DDX18: variants seen among roughly 807,000 people sequenced by gnomAD.
DDX18 encodes the protein ATP-dependent RNA helicase DDX18.
A neutral mutation model predicts 73.5 loss-of-function variants in DDX18; 23 were observed. The observed-to-expected ratio is 0.31, with a 90% CI of 0.23 to 0.44. The LOEUF (loss-of-function observed/expected upper bound fraction) is 0.44, where lower values mean the gene tolerates loss of function less well. Ranked by LOEUF, DDX18 falls within the 20% of genes least tolerant of loss-of-function variation. The pLI, the probability that DDX18 is intolerant of heterozygous loss-of-function variation, is 1.00. For missense variants in DDX18, 753 were observed against 792.9 expected (o/e 0.95, Z 0.60); for synonymous variants, 268 against 282.7 (o/e 0.95, Z 0.52).
intron 7 of DDX18, among the ~76,000 whole-genome samples, chr2:117,823,544 G>T (rs192907651): frequency 6.6e-6 from 1 of 152,236 alleles, no homozygotes; most frequent in East Asian, 1.9e-4. Flanking sequence ...TGTACCGAAT[G>T]ATTATTCAGT....
intron 10 of DDX18, chr2:117,826,062 T>C (rs950940640): frequency 6.8e-6 from 1 of 146,460 alleles, no homozygotes; most frequent in Non-Finnish European, 1.3e-5. Flanking sequence ...TTTTTTTTTT[T>C]GGGCCTCAAT....
In DDX18 at chr2:117,822,013, G is replaced by C. The variant is rs747544197; in HGVS notation, c.903G>C (p.Gly301=). The C allele has an allele frequency of 6.2e-7, 1 of 1,613,932 alleles. No individual in the cohort carries two copies. Among genetic ancestry groups the C allele is most frequent in the Non-Finnish European group, 8.5e-7 (1 of 1,179,960 alleles). ...RSAEAQKLGN[G]INIIVATPGR... is the part of the protein sequence containing the mutation. ...CTGAAGCACAGAAACTTGGTAATGG[G>C]ATCAACATCATTGTGGCCACACCAG... The change falls in exon 6 of 14, where the codon GGG becomes GGC. Residue 301 remains glycine (G), a synonymous_variant. Coordinates refer to ENST00000263239, the MANE Select transcript of DDX18 (RefSeq NM_006773.4).
At chr2:117,828,585 T>G (rs1284477788) in intron 11 of DDX18, 2 of 201,236 alleles carry the variant, frequency 9.9e-6, no homozygotes, top group Admixed American at 1.1e-4. Context: ...AATACAGGAC[T>G]GTGGGGGTAT....
intron 2 of DDX18, 108 bp downstream of exon 2, chr2:117,817,836 C>T (rs954404724): frequency 8.3e-7 from 1 of 1,197,862 alleles, no homozygotes; most frequent in Non-Finnish European, 1.2e-6. Flanking sequence ...TCCCTGTACT[C>T]ACCAGTATGT....
intron 2 of DDX18, 78 bp from the exon 3 acceptor site, chr2:117,819,571 G>T (rs1679811075): frequency 1.6e-6 from 2 of 1,244,044 alleles, no homozygotes; most frequent in African/African-American, 1.6e-5. Flanking sequence ...TTATATCAGA[G>T]ATCTTCTGTT....
At position 117,830,915 on chromosome 2, in the gene DDX18, CTT is replaced by C; in HGVS notation, c.*193_*194del. On this transcript the variant is annotated 3_prime_UTR_variant, in exon 14 of 14. Coordinates refer to ENST00000263239, the MANE Select transcript of DDX18 (RefSeq NM_006773.4). Reference sequence around the variant, plus strand: ...TTTTATTTCTGGGATATAAAACAGGCTTTAAGTTTCTTGGTTGCCCAAGGGCA... The same window carrying C: ...TTTTATTTCTGGGATATAAAACAGGCTAAGTTTCTTGGTTGCCCAAGGGCA... The C allele has an allele frequency of 1.6e-6, 1 of 624,450 alleles. No individual in the cohort carries two copies. Among genetic ancestry groups the C allele is most frequent in the Non-Finnish European group, 2.6e-6 (1 of 377,974 alleles). 38.7% of individuals were successfully genotyped at this position (624,450 alleles called of 1,614,324 possible). A position where few individuals can be genotyped will look rare whatever the true frequency, so the allele number is the denominator to read the frequency against.
chr2:117,830,537 A>T (rs554530644), intron 13 of DDX18, 45 bp from the exon 14 acceptor site: 1 of 1,594,984 alleles, frequency 6.3e-7, no homozygotes. Context: ...GTTAGATTGG[A>T]GTTCATTATC....
At chr2:117,829,775 T>TA (rs894901078) in intron 13 of DDX18, among the ~76,000 whole-genome samples, 2 of 152,126 alleles carry the variant, frequency 1.3e-5, no homozygotes, top group African/African-American at 4.8e-5. Context: ...AAACACAGGT[T>TA]AAAAAAATCA....
At position 117,821,901 on chromosome 2, in the gene DDX18, C is replaced by T. The variant is rs1296368068; in HGVS notation, c.791C>T (p.Ala264Val). Residue 264 changes from alanine to valine, a missense_variant, in exon 6 of 14, where the codon GCC (alanine) becomes GTC (valine). Transcript: ENST00000263239. ...ATTCTCTCACCTACTAGAGAACTAG[C>T]CATGCAAACCTTTGGTGTTCTTAAG... ...VLILSPTRELAMQTFGVLKEL... is the reference protein window; with the variant it reads ...VLILSPTRELVMQTFGVLKEL... 6.2e-7 allele frequency: 1 copy of T among 1,613,912 alleles called. No homozygotes were observed. The highest frequency in any genetic ancestry group is 2.2e-5 in the East Asian group (1 of 44,896).
chr2:117,830,444 C>A, intron 13 of DDX18, 138 bp from the exon 14 acceptor site: 1 of 1,071,842 alleles, frequency 9.3e-7, no homozygotes, highest in Non-Finnish European at 1.3e-6. Flanking sequence ...ATTGCATAGG[C>A]TTATGTTCCC....
rs1432157917 is a variant in DDX18, at chr2:117,830,664, A to T, written c.1953A>T (p.Lys651Asn). The part of the protein sequence containing the change: ...FGYQKTKKVE[K>N]SKIFKHISKK... Reference sequence around the variant, plus strand: ...ACCAGAAAACCAAGAAAGTTGAGAAATCCAAAATCTTTAAACACATTAGCA... The same window carrying T: ...ACCAGAAAACCAAGAAAGTTGAGAATTCCAAAATCTTTAAACACATTAGCA... Residue 651 changes from lysine (K) to asparagine (N), a missense_variant, in exon 14 of 14, where the codon AAA becomes AAT. By Grantham distance (94) the Lys-to-Asn change is moderately conservative (BLOSUM62 0). Transcript: ENST00000263239. 1.2e-6 allele frequency: 2 copies of T among 1,613,906 alleles called. No homozygotes were observed. The highest frequency in any genetic ancestry group is 1.7e-6 in the Non-Finnish European group (2 of 1,179,820).
At chr2:117,824,748 T>A (rs762135940) in intron 8 of DDX18, 40 bp downstream of exon 8, 1 of 1,475,006 alleles carries the variant, frequency 6.8e-7, no homozygotes, top group Non-Finnish European at 9.0e-7. Flanking sequence ...GGGATCTTAC[T>A]TGGTGTTTTT....
Position 117,819,753 on chromosome 2 carries a change from G to A in DDX18, c.475G>A (p.Asp159Asn). 2 of 1,607,910 alleles carry A rather than the reference G, an allele frequency of 1.2e-6. No homozygotes were observed. The highest frequency in any genetic ancestry group is 1.7e-6 in the Non-Finnish European group (2 of 1,177,984). ...NNVEKPDNDEDESEVPSLPLG... is the reference protein window; with the variant it reads ...NNVEKPDNDENESEVPSLPLG... ...TGTGGAGAAGCCAGATAATGATGAA[G>A]ATGAGAGTGAGGTGCCCAGTCTGCC... Residue 159 changes from aspartate (D) to asparagine (N), a missense_variant, in exon 3 of 14, where the codon GAT becomes AAT. Around this residue, in one of 3 missense-constraint regions of DDX18, gnomAD observed 345 missense variants for 352.0 expected, o/e 0.98. Coordinates refer to ENST00000263239, the MANE Select transcript of DDX18 (RefSeq NM_006773.4).
chr2:117,821,581 G>A, intron 4 of DDX18, 69 bp from the exon 5 acceptor site: 1 of 1,525,506 alleles, frequency 6.6e-7, no homozygotes, highest in Non-Finnish European at 9.1e-7. Flanking sequence ...AGTGCCTAAG[G>A]TGTGTGTATG....
At position 117,814,861 on chromosome 2, in the gene DDX18, G is replaced by T; in HGVS notation, c.84G>T (p.Gln28His). 1 of 1,614,152 alleles carries T rather than the reference G, an allele frequency of 6.2e-7. No individual in the cohort carries two copies. Residue 28 changes from glutamine to histidine, a missense_variant and splice_region_variant, in exon 1 of 14, where the codon CAG (glutamine) becomes CAT (histidine). Gln to His is a conservative substitution (Grantham distance 24). This residue lies in a region of DDX18 where 345 missense variants were observed against 352.0 expected (regional missense o/e 0.98). Transcript: ENST00000263239. Reference sequence around the variant, plus strand: ...TGCGGCAGCGGAACCTAAAGTTTCAGGGTGAGATGCGTTGACTCGCGGTGG... The same window carrying T: ...TGCGGCAGCGGAACCTAAAGTTTCATGGTGAGATGCGTTGACTCGCGGTGG... The part of the protein sequence containing the change: ...LKLRQRNLKF[Q>H]GASNLTLSET...
At chr2:117,815,830 G>A (rs183791788) in intron 1 of DDX18, 2 of 152,292 alleles carry the variant, frequency 1.3e-5, no homozygotes, top group South Asian at 4.1e-4. Context: ...ATAACAGGAG[G>A]GGGGATACAT....
intron 3 of DDX18, among the ~76,000 whole-genome samples, chr2:117,820,377 T>G (rs192264711): frequency 6.6e-6 from 1 of 152,312 alleles, no homozygotes; most frequent in African/African-American, 2.4e-5. Flanking sequence ...TTTAACAGTT[T>G]TAGCACTGAA....
intron 2 of DDX18, among the ~76,000 whole-genome samples, chr2:117,818,415 G>A (rs766840175): frequency 3.3e-5 from 5 of 152,216 alleles, no homozygotes; most frequent in Middle Eastern, 6.8e-3. Context: ...GGCCCTTTGC[G>A]GAAAGTTTGC....
At chr2:117,823,539 C>T (rs79767670) in intron 7 of DDX18, among the ~76,000 whole-genome samples, 7,984 of 152,110 alleles carry the variant, frequency 0.052, 369 homozygotes, top group Admixed American at 0.11. Context: ...AATCCTGTAC[C>T]GAATGATTAT....
Sources: allele counts gnomAD v4.1 joint callset (sites outside exome capture counted in the v4.1 genomes callset), GRCh38; gene constraint gnomAD v4.1.1; regional missense constraint gnomAD v4.1.1; transcripts MANE v1.5; gene names NCBI Gene and HGNC (gene_info 2026-07-23, HGNC 2026-07-21).